The following NDUFS2 variants were observed in gnomAD, a reference collection of about 807,000 sequenced individuals.
NDUFS2 encodes the protein NADH:ubiquinone oxidoreductase core subunit S2.
In NDUFS2, 38 loss-of-function variants were observed where a neutral mutation model predicts 69.6. The observed-to-expected ratio is 0.55, with a 90% confidence interval of 0.42 to 0.72. NDUFS2 has a LOEUF of 0.72. NDUFS2 is among the 30% of genes least tolerant of loss of function. The probability of loss-of-function intolerance (pLI) is 0.00; values close to 1 mark genes in which losing one functional copy is unlikely to be tolerated. For missense variants in NDUFS2, 468 were observed against 595.0 expected (o/e 0.79, Z 2.22); for synonymous variants, 194 against 211.2 (o/e 0.92, Z 0.70).
At chr1:161,199,752 G>T (rs1665035130), upstream of NDUFS2, among the ~76,000 whole-genome samples, 1 of 151,962 alleles carries the variant, frequency 6.6e-6, no homozygotes, top group East Asian at 1.9e-4. Context: ...TTTATAGAAG[G>T]CGGATCCAGG....
chr1:161,210,737 A>C (rs1304154432), intron 9 of NDUFS2, 27 bp downstream of exon 9: 1 of 1,613,594 alleles, frequency 6.2e-7, no homozygotes, highest in African/African-American at 1.3e-5. Flanking sequence ...TTCTTGGCTG[A>C]TATTCCAGCT....
upstream of NDUFS2, chr1:161,202,072 G>A: frequency 2.2e-6 from 1 of 458,848 alleles, no homozygotes; most frequent in South Asian, 2.1e-5. Flanking sequence ...TCCAAGATAC[G>A]CAGGCGGGCT....
chr1:161,205,132 G>C (rs1023941704), intron 2 of NDUFS2, among the ~76,000 whole-genome samples: 1 of 151,922 alleles, frequency 6.6e-6, no homozygotes, highest in Non-Finnish European at 1.5e-5. Context: ...AAGAATTTTG[G>C]TGGAAAAGAT....
upstream of NDUFS2, among the ~76,000 whole-genome samples, chr1:161,201,515 T>C (rs1665119464): frequency 6.6e-6 from 1 of 152,226 alleles, no homozygotes; most frequent in Non-Finnish European, 1.5e-5. Context: ...CATACAGAAT[T>C]GTGATCAGAC....
chr1:161,206,306 G>C, intron 2 of NDUFS2, 101 bp from the exon 3 acceptor site: 33 of 1,188,570 alleles, frequency 2.8e-5, no homozygotes, highest in Non-Finnish European at 4.1e-5. Context: ...AGTATGGAAT[G>C]GTGAGTTAGA....
At position 161,203,480 on chromosome 1, in the gene NDUFS2, T is replaced by C; in HGVS notation, c.139T>C (p.Phe47Leu). The change falls in exon 2 of 14, where the codon TTT becomes CTT. Residue 47 changes from phenylalanine (F) to leucine (L), a missense_variant. By Grantham distance (22) the Phe-to-Leu change is conservative. Coordinates refer to ENST00000676972, the MANE Select transcript of NDUFS2 (RefSeq NM_001377299.1). Reference sequence around the variant, plus strand: ...GCCAGATGTGGAATGGGCACAGCAGTTTGGGGGAGCTGTTATGTACCCAAG... The same window carrying C: ...GCCAGATGTGGAATGGGCACAGCAGCTTGGGGGAGCTGTTATGTACCCAAG... ...WQPDVEWAQQFGGAVMYPSKE... is the reference protein window; with the variant it reads ...WQPDVEWAQQLGGAVMYPSKE... 6.2e-7 allele frequency: 1 copy of C among 1,614,082 alleles called. No homozygotes were observed. The highest frequency in any genetic ancestry group is 8.5e-7 in the Non-Finnish European group (1 of 1,179,998).
At chr1:161,202,232 C>A, upstream of NDUFS2, 1 of 738,682 alleles carries the variant, frequency 1.4e-6, no homozygotes, top group Non-Finnish European at 2.4e-6. Flanking sequence ...GAAGCCGAGT[C>A]ACAGGACCCG....
Position 161,209,529 on chromosome 1 carries a change from G to A in NDUFS2, c.561G>A (p.Val187=), listed in dbSNP as rs557420804. 6 of 1,613,654 alleles carry A rather than the reference G, an allele frequency of 3.7e-6. No homozygotes were observed. The East Asian group carries it at 1.1e-4, about 30-fold the overall frequency. The stretch of plus-strand genomic sequence containing the variant: ...GTTTGTTGAACCACATCATGGCTGT[G>A]ACCACACATGCCCTGGACCTTGGGG... The part of the protein sequence containing the change: ...ITRLLNHIMA[V]TTHALDLGAM... The change falls in exon 5 of 14, where the codon GTG becomes GTA. Residue 187 remains valine, a synonymous_variant. Coordinates refer to ENST00000676972, the MANE Select transcript of NDUFS2 (RefSeq NM_001377299.1).
At chr1:161,207,727 T>C in intron 3 of NDUFS2, among the ~76,000 whole-genome samples, 1 of 142,372 alleles carries the variant, frequency 7.0e-6, no homozygotes. Flanking sequence ...AGACTGTGTC[T>C]CAAAAAAAAA....
rs769349128 is a variant in NDUFS2 at position 161,213,361 on chromosome 1, C to T, written c.1117-19C>T. 4 of 1,558,096 alleles carry T rather than the reference C, an allele frequency of 2.6e-6. No individual in the cohort carries two copies. In the South Asian group the frequency reaches 3.4e-5, roughly 13 times the overall value. On this transcript the variant is annotated intron_variant, in intron 10 of 13. Coordinates refer to ENST00000676972, the MANE Select transcript of NDUFS2 (RefSeq NM_001377299.1). ...AGTTTGGATATGGTTTATTGATGCT[C>T]CCTGTTTCCTCTCTTCAGACTTCCA...
In NDUFS2 at chr1:161,214,264, G is replaced by C; in HGVS notation, c.*71G>C. 8.1e-7 allele frequency: 1 copy of C among 1,238,468 alleles called. No homozygotes were observed. The highest frequency in any genetic ancestry group is 1.2e-6 in the Non-Finnish European group (1 of 868,978). The allele number at this position is 1,238,468 out of a possible 1,614,324, so 76.7% of individuals were successfully genotyped here. A position where few individuals can be genotyped will look rare whatever the true frequency, so the allele number is the denominator to read the frequency against. On this transcript the variant is annotated 3_prime_UTR_variant, in exon 14 of 14. Transcript: ENST00000676972. Reference sequence around the variant, plus strand: ...TGGAGCCTGTTCCTCACTGGAAATTGGCCTCTGTGTGTGTGTGTGTGTGTG... The same window carrying C: ...TGGAGCCTGTTCCTCACTGGAAATTCGCCTCTGTGTGTGTGTGTGTGTGTG...
chr1:161,200,046 A>G (rs778051037), upstream of NDUFS2, among the ~76,000 whole-genome samples: 1 of 151,924 alleles, frequency 6.6e-6, no homozygotes, highest in Non-Finnish European at 1.5e-5. Context: ...AGGAACCCAG[A>G]TTCACCCAGT....
upstream of NDUFS2, among the ~76,000 whole-genome samples, chr1:161,201,076 T>C (rs375833391): frequency 2.4e-3 from 370 of 152,226 alleles, 22 homozygotes; most frequent in South Asian, 0.074. Flanking sequence ...GTTTCAACAA[T>C]AGAAAGAAGG....
At chr1:161,198,817 G>A (rs1235830695), upstream of NDUFS2, 5 of 542,632 alleles carry the variant, frequency 9.2e-6, no homozygotes, top group Non-Finnish European at 1.6e-5. This position sits in a 1 kb window ranked among gnomAD's most constrained non-coding sequence, Gnocchi z 4.7. Flanking sequence ...CTTGGGAGAG[G>A]TGCCCAGGGG....
At chr1:161,203,837 G>A (rs762840986) in intron 2 of NDUFS2, 2 of 413,620 alleles carry the variant, frequency 4.8e-6, no homozygotes, top group Admixed American at 7.1e-5. Context: ...CCTGGCCTCA[G>A]GTAATCCTCC....
upstream of NDUFS2, chr1:161,202,228 G>A: frequency 1.4e-6 from 1 of 719,350 alleles, no homozygotes; most frequent in Non-Finnish European, 2.5e-6. Context: ...AAGTGAAGCC[G>A]AGTCACAGGA....
intron 9 of NDUFS2, among the ~76,000 whole-genome samples, chr1:161,212,024 G>A (rs1184806304): frequency 6.6e-6 from 1 of 151,974 alleles, no homozygotes; most frequent in East Asian, 1.9e-4. Context: ...GATCAGCCTG[G>A]GCAGCAAAGT....
chr1:161,210,019 C>A, intron 6 of NDUFS2, 88 bp downstream of exon 6: 1 of 1,595,440 alleles, frequency 6.3e-7, no homozygotes. Flanking sequence ...GATGGAAACT[C>A]CAAACCTGTA....
chr1:161,199,827 A>C (rs1665038179), upstream of NDUFS2, among the ~76,000 whole-genome samples: 1 of 144,934 alleles, frequency 6.9e-6, no homozygotes, highest in Non-Finnish European at 1.5e-5. Context: ...AGTTACCACT[A>C]CCCACCCCCT....
Sources: allele counts gnomAD v4.1 joint callset (sites outside exome capture counted in the v4.1 genomes callset), GRCh38; gene constraint gnomAD v4.1.1; non-coding constraint Gnocchi (gnomAD v3.1); transcripts MANE v1.5; gene names NCBI Gene and HGNC (gene_info 2026-07-23, HGNC 2026-07-21).